Variants in IGSF10 observed in about 807,000 individuals in gnomAD.
The protein encoded by IGSF10 is immunoglobulin superfamily member 10, also known as calvaria mechanical force protein 608.
IGSF10 carries 126 observed loss-of-function variants against 128.2 expected under a neutral mutation model. That is an observed-to-expected ratio of 0.98 (90% CI 0.85 to 1.14). The LOEUF (loss-of-function observed/expected upper bound fraction) is 1.14. IGSF10 is among the 50% of genes most tolerant of loss of function. The pLI is 0.00. For missense variants in IGSF10, 3,295 were observed against 3,149.8 expected (o/e 1.05, Z -1.10); for synonymous variants, 1,185 against 1,146.2 (o/e 1.03, Z -0.68).
chr3:151,575,012 C>G, the IGSF10 span, among the ~76,000 whole-genome samples: 1 of 152,208 alleles, frequency 6.6e-6, no homozygotes, highest in Non-Finnish European at 1.5e-5. Context: ...GCTGGAGGTC[C>G]ACTCAAGACC....
the IGSF10 span, among the ~76,000 whole-genome samples, chr3:151,468,836 C>T: frequency 6.6e-6 from 1 of 152,170 alleles, no homozygotes. Context: ...CAACCCATCA[C>T]CTAGGTATTA....
At chr3:151,619,713 G>T in the IGSF10 span, among the ~76,000 whole-genome samples, 1 of 152,148 alleles carries the variant, frequency 6.6e-6, no homozygotes, top group African/African-American at 2.4e-5. Flanking sequence ...GGGTTGAGAG[G>T]TGGAATATTT....
chr3:151,441,930 G>A (rs1365455300), intron 7 of IGSF10, among the ~76,000 whole-genome samples: 12 of 152,120 alleles, frequency 7.9e-5, no homozygotes, highest in Non-Finnish European at 1.5e-4. Flanking sequence ...ATGTGGTGGC[G>A]GGTGCCTGTG....
At chr3:151,510,807 C>A in the IGSF10 span, among the ~76,000 whole-genome samples, 1 of 152,116 alleles carries the variant, frequency 6.6e-6, no homozygotes, top group East Asian at 1.9e-4. Context: ...ACAAGAACCA[C>A]GTGATGAATG....
the IGSF10 span, among the ~76,000 whole-genome samples, chr3:151,474,848 C>T: frequency 6.6e-6 from 1 of 152,234 alleles, no homozygotes; most frequent in African/African-American, 2.4e-5. Context: ...CAGGGGAACT[C>T]CTCTTTCCAA....
the IGSF10 span, among the ~76,000 whole-genome samples, chr3:151,571,532 G>A: frequency 6.6e-6 from 1 of 152,056 alleles, no homozygotes; most frequent in South Asian, 2.1e-4. Flanking sequence ...GTCTGTTATT[G>A]GTGTATAGGA....
At chr3:151,606,163 T>G in the IGSF10 span, among the ~76,000 whole-genome samples, 1 of 152,230 alleles carries the variant, frequency 6.6e-6, no homozygotes, top group Non-Finnish European at 1.5e-5. Flanking sequence ...AAACGCTTTC[T>G]CTATGATTGC....
At chr3:151,564,033 T>C in the IGSF10 span, among the ~76,000 whole-genome samples, 1 of 152,202 alleles carries the variant, frequency 6.6e-6, no homozygotes, top group African/African-American at 2.4e-5. Context: ...CCAGCATTTA[T>C]GTTCCTAAAC....
At chr3:151,617,653 A>ATTAAGACT in the IGSF10 span, among the ~76,000 whole-genome samples, 66 of 152,054 alleles carry the variant, frequency 4.3e-4, no homozygotes, top group Non-Finnish European at 2.1e-4. Flanking sequence ...GGTAGAATGA[A>ATTAAGACT]TCTACTTGTA....
At chr3:151,454,400 GTACT>G (rs1398033861) in intron 4 of IGSF10, among the ~76,000 whole-genome samples, 1 of 152,006 alleles carries the variant, frequency 6.6e-6, no homozygotes, top group African/African-American at 2.4e-5. Flanking sequence ...ATATATAGAA[GTACT>G]TACAGATGAA....
chr3:151,498,299 T>C, the IGSF10 span, among the ~76,000 whole-genome samples: 1 of 152,238 alleles, frequency 6.6e-6, no homozygotes, highest in Non-Finnish European at 1.5e-5. Context: ...TGATATTGGC[T>C]ATGGGTTTGT....
At chr3:151,484,010 G>A in the IGSF10 span, among the ~76,000 whole-genome samples, 6 of 152,168 alleles carry the variant, frequency 3.9e-5, no homozygotes, top group Admixed American at 1.3e-4. Flanking sequence ...CTGGCTCAGC[G>A]GGTCCCACCT....
At chr3:151,468,158 G>T in the IGSF10 span, among the ~76,000 whole-genome samples, 21 of 152,148 alleles carry the variant, frequency 1.4e-4, no homozygotes, top group Non-Finnish European at 2.4e-4. Flanking sequence ...CCTGAACTTA[G>T]AAGTTTAATT....
the IGSF10 span, among the ~76,000 whole-genome samples, chr3:151,578,611 G>A: frequency 1.3e-5 from 2 of 152,146 alleles, no homozygotes; most frequent in South Asian, 2.1e-4. Flanking sequence ...TTTGCAATGC[G>A]ATACTGAGTA....
the IGSF10 span, among the ~76,000 whole-genome samples, chr3:151,487,834 A>G: frequency 2.7e-4 from 41 of 152,194 alleles, no homozygotes; most frequent in African/African-American, 9.9e-4. Flanking sequence ...GTGTCTCAAA[A>G]TAATAAGAGC....
At chr3:151,610,665 G>A in the IGSF10 span, among the ~76,000 whole-genome samples, 93,451 of 152,008 alleles carry the variant, frequency 0.61, 29,260 homozygotes, top group African/African-American at 0.73. Flanking sequence ...GCAATGAAAT[G>A]CTACAGACTG....
the IGSF10 span, among the ~76,000 whole-genome samples, chr3:151,534,720 G>T: frequency 6.6e-6 from 1 of 151,900 alleles, no homozygotes; most frequent in African/African-American, 2.4e-5. Context: ...GGGTCAATGG[G>T]TACAGCAAGC....
intron 3 of IGSF10, among the ~76,000 whole-genome samples, chr3:151,458,150 T>C (rs1721888882): frequency 2.0e-5 from 3 of 152,016 alleles, no homozygotes; most frequent in African/African-American, 7.3e-5. Context: ...TGTGTGTGTA[T>C]TATATAGGCA....
Position 151,447,597 on chromosome 3 carries a change from T to C in IGSF10, c.2384A>G (p.Asp795Gly). The C allele has an allele frequency of 6.2e-7, 1 of 1,614,134 alleles. No individual in the cohort carries two copies. The highest frequency in any genetic ancestry group is 8.5e-7 in the Non-Finnish European group (1 of 1,180,028). ...ATGTAGAGCGAGCATGCCTGAGGAA[T>C]CGTCTTCTTCACCAGGTATGTTTGG... ...QLPNIPGEED[D>G]SSGMLALHEE... Residue 795 changes from aspartate to glycine, a missense_variant, in exon 6 of 8, where the codon GAT becomes GGT. Physicochemically the swap from Asp to Gly is moderately conservative, Grantham distance 94. Transcript: ENST00000282466.
Sources: allele counts gnomAD v4.1 joint callset (sites outside exome capture counted in the v4.1 genomes callset), GRCh38; gene constraint gnomAD v4.1.1; transcripts MANE v1.5; gene names NCBI Gene and HGNC (gene_info 2026-07-23, HGNC 2026-07-21).